Variants in CSMD3 observed in about 807,000 individuals in gnomAD.
CSMD3 encodes the protein CUB and sushi domain-containing protein 3.
Under a neutral mutation model 435.2 loss-of-function variants are expected in CSMD3, and 177 were observed. The observed-to-expected ratio is 0.41, with a 90% CI of 0.36 to 0.46. The LOEUF (loss-of-function observed/expected upper bound fraction) is 0.46. CSMD3 is among the 20% of genes least tolerant of loss of function. The pLI is 0.34. For synonymous variants in CSMD3, 1,656 were observed against 1,520.5 expected, an observed-to-expected ratio of 1.09 and a Z score of -2.07; for missense variants, 4,265 against 4,504.6, an observed-to-expected ratio of 0.95 and a Z score of 1.52.
chr8:113,214,817 A>C (rs2092882436), intron 3 of CSMD3, among the ~76,000 whole-genome samples: 1 of 151,864 alleles, frequency 6.6e-6, no homozygotes, highest in Admixed American at 6.6e-5. Context: ...AACCAAAATT[A>C]TAAAGATATC....
In CSMD3 at chr8:113,340,661, G is replaced by A. The variant is rs1273955180; in HGVS notation, c.179-25868C>T. Among the ~76,000 whole-genome samples, 3 of 151,984 alleles carry A rather than the reference G, an allele frequency of 2.0e-5. No homozygotes were observed. In the East Asian group the frequency reaches 5.8e-4, roughly 29 times the overall value. On this transcript the variant is annotated intron_variant, in intron 1 of 70. Transcript: ENST00000297405. ...AGGCGAAGTAGGGTTGATCACTTGAGGCCAGGAGTTTGAGACCAGTCAGAG... is the reference window on the plus strand; with the variant it reads ...AGGCGAAGTAGGGTTGATCACTTGAAGCCAGGAGTTTGAGACCAGTCAGAG...
chr8:112,634,856 T>TA (rs2074612934), intron 22 of CSMD3, among the ~76,000 whole-genome samples: 1 of 151,898 alleles, frequency 6.6e-6, no homozygotes, highest in Non-Finnish European at 1.5e-5. Context: ...CCCTAGACAC[T>TA]AGTGAGGAAA....
intron 17 of CSMD3, among the ~76,000 whole-genome samples, chr8:112,663,279 A>C (rs1054337461): frequency 2.0e-5 from 3 of 152,122 alleles, no homozygotes; most frequent in Non-Finnish European, 2.9e-5. Context: ...TATGTAGCAC[A>C]TATACACCAT....
intron 5 of CSMD3, among the ~76,000 whole-genome samples, chr8:113,036,914 G>A (rs1423885620): frequency 6.6e-6 from 1 of 152,014 alleles, no homozygotes; most frequent in Non-Finnish European, 1.5e-5. Flanking sequence ...AGACATTTTA[G>A]CATGTGAACT....
chr8:112,996,867 T>C lies in CSMD3; in HGVS notation c.1031-20719A>G, dbSNP rs138491845. ...AAAATACCAATCAAGAGAAAAATAG[T>C]ATAATAAATAATAGTGTTAGTTTCT... On this transcript the variant is annotated intron_variant, in intron 6 of 70. Transcript: ENST00000297405. 5.4e-3 allele frequency among the ~76,000 whole-genome samples: 812 copies of C among 151,774 alleles called. 10 individuals are homozygous for C. The highest frequency in any genetic ancestry group is 0.019 in the African/African-American group (775 of 41,508).
At position 112,311,229 on chromosome 8, in the gene CSMD3, T is replaced by C. The variant is rs949523771; in HGVS notation, c.7697-63A>G. On this transcript the variant is annotated intron_variant, in intron 49 of 70. Transcript: ENST00000297405. ...AATCAGAAGTTATTACCCAAAGTGA[T>C]AAACACCTATACAGCGACTAGTGCT... is the stretch of plus-strand genomic sequence containing the variant. The C allele has an allele frequency of 5.2e-6, 7 of 1,341,918 alleles. No individual in the cohort carries two copies. In the African/African-American group the frequency reaches 1.0e-4, roughly 19 times the overall value. The allele number at this position is 1,341,918 out of a possible 1,614,324, so 83.1% of individuals were successfully genotyped here.
chr8:112,522,559 CAAAT>C (rs1466780386), intron 27 of CSMD3, among the ~76,000 whole-genome samples: 7 of 151,736 alleles, frequency 4.6e-5, no homozygotes, highest in East Asian at 1.9e-4. Context: ...TAGTTAAAAA[CAAAT>C]GAATGAATGA....
intron 5 of CSMD3, among the ~76,000 whole-genome samples, chr8:113,058,889 A>G (rs1051195335): frequency 6.6e-6 from 1 of 152,078 alleles, no homozygotes; most frequent in Non-Finnish European, 1.5e-5. Flanking sequence ...CAAATACAGT[A>G]AAAAGAAGTA....
At chr8:112,844,221 T>C (rs980821064) in intron 11 of CSMD3, among the ~76,000 whole-genome samples, 21 of 151,956 alleles carry the variant, frequency 1.4e-4, no homozygotes, top group Non-Finnish European at 2.4e-4. Context: ...GTAACAGTAA[T>C]AAAATCATGA....
chr8:112,331,653 A>G (rs186086148), intron 45 of CSMD3, among the ~76,000 whole-genome samples: 1 of 152,024 alleles, frequency 6.6e-6, no homozygotes, highest in African/African-American at 2.4e-5. Flanking sequence ...ATACACAAAA[A>G]TATTGAACTG....
At chr8:112,771,916 CCCCTGAAAGCAA>C (rs2078127070) in intron 13 of CSMD3, among the ~76,000 whole-genome samples, 2 of 151,788 alleles carry the variant, frequency 1.3e-5, no homozygotes, top group South Asian at 4.1e-4. Flanking sequence ...AACAATTTTC[CCCCTGAAAGCAA>C]CCGAATACAG....
Position 112,329,220 on chromosome 8 carries a change from C to T in CSMD3, c.7165+6109G>A, listed in dbSNP as rs1194737345. Among the ~76,000 whole-genome samples the T allele has an allele frequency of 2.0e-5, 3 of 152,138 alleles. No homozygotes were observed. In the East Asian group the frequency reaches 5.8e-4, roughly 29 times the overall value. On this transcript the variant is annotated intron_variant, in intron 45 of 70. Coordinates refer to ENST00000297405, the MANE Select transcript of CSMD3 (RefSeq NM_198123.2). ...TATAGACCTGGCTCTAATTGATAGGCATTGTCTCCTGTTAAACATAAACAG... is the reference window on the plus strand; with the variant it reads ...TATAGACCTGGCTCTAATTGATAGGTATTGTCTCCTGTTAAACATAAACAG...
intron 22 of CSMD3, among the ~76,000 whole-genome samples, chr8:112,589,123 C>T (rs1036079969): frequency 2.6e-5 from 4 of 152,242 alleles, no homozygotes; most frequent in East Asian, 3.9e-4. Flanking sequence ...TTCAATTGCA[C>T]GTCTAATCTT....
At chr8:113,387,634 G>A (rs1380985496) in intron 1 of CSMD3, among the ~76,000 whole-genome samples, 1 of 151,318 alleles carries the variant, frequency 6.6e-6, no homozygotes, top group African/African-American at 2.4e-5. Context: ...GAATCCAGAA[G>A]AAGCAGAAGA....
intron 1 of CSMD3, 67 bp downstream of exon 1, chr8:113,436,610 G>T: frequency 7.1e-7 from 1 of 1,405,982 alleles, no homozygotes; most frequent in Non-Finnish European, 1.0e-6. Context: ...TAAGCTGCCA[G>T]CCTCTCTCCA....
intron 13 of CSMD3, among the ~76,000 whole-genome samples, chr8:112,730,100 A>C (rs1372102295): frequency 6.6e-6 from 1 of 152,126 alleles, no homozygotes; most frequent in Non-Finnish European, 1.5e-5. Flanking sequence ...AGATATAGTG[A>C]AACAGTAAAG....
chr8:113,269,894 T>C (rs1216626605), intron 3 of CSMD3, among the ~76,000 whole-genome samples: 17 of 151,808 alleles, frequency 1.1e-4, no homozygotes, highest in Admixed American at 6.6e-5. Flanking sequence ...ATTCAGGACA[T>C]AGGCATGGGC....
At chr8:112,440,547 G>C (rs1814886610) in intron 32 of CSMD3, among the ~76,000 whole-genome samples, 1 of 152,138 alleles carries the variant, frequency 6.6e-6, no homozygotes, top group African/African-American at 2.4e-5. Flanking sequence ...TCGGTGCTCA[G>C]ATCCCACAAT....
At chr8:112,389,889 G>C (rs1311027775) in intron 36 of CSMD3, among the ~76,000 whole-genome samples, 2 of 152,058 alleles carry the variant, frequency 1.3e-5, no homozygotes, top group Non-Finnish European at 2.9e-5. Context: ...CAGAATAACT[G>C]GTCAAATAGC....
Sources: gnomAD v4.1 joint callset for allele counts (sites outside exome capture counted in the v4.1 genomes callset) on GRCh38, gnomAD v4.1.1 for gene constraint, MANE v1.5 for transcripts, NCBI Gene and HGNC (gene_info 2026-07-23, HGNC 2026-07-21) for gene names.